TESK2: variants seen among roughly 807,000 people sequenced by gnomAD.
TESK2 encodes testis associated actin remodelling kinase 2, also known as dual specificity testis-specific protein kinase 2.
A neutral mutation model predicts 57.1 loss-of-function variants in TESK2; 39 were observed. The observed-to-expected ratio is 0.68, with a 90% CI of 0.53 to 0.89. The LOEUF is 0.89. Among genes scored for constraint, TESK2 ranks in the 40% least tolerant of loss-of-function variants. The pLI, the probability that TESK2 is intolerant of heterozygous loss-of-function variation, is 0.00. For synonymous variants in TESK2, 249 were observed against 267.9 expected, an observed-to-expected ratio of 0.93 and a Z score of 0.69; for missense variants, 646 against 732.1, an observed-to-expected ratio of 0.88 and a Z score of 1.36.
intron 3 of TESK2, among the ~76,000 whole-genome samples, chr1:45,399,140 ATTTTTTTTT>A (rs753087306): frequency 3.0e-5 from 3 of 99,722 alleles, no homozygotes; most frequent in African/African-American, 4.8e-5. Context: ...AAAAGTTGAA[ATTTTTTTTT>A]TTTTTTTTTT....
intron 3 of TESK2, chr1:45,415,245 G>A: frequency 6.9e-7 from 1 of 1,449,980 alleles, no homozygotes; most frequent in Non-Finnish European, 9.6e-7. Context: ...TTGGCAAGGT[G>A]AAAGAAGGCA....
chr1:45,410,938 T>C (rs1323512724), intron 3 of TESK2, among the ~76,000 whole-genome samples: 1 of 152,064 alleles, frequency 6.6e-6, no homozygotes. Flanking sequence ...CAAGCTAACT[T>C]TGGGAGGAAT....
intron 4 of TESK2, among the ~76,000 whole-genome samples, chr1:45,361,464 A>G (rs555875969): frequency 2.0e-5 from 3 of 152,348 alleles, no homozygotes; most frequent in South Asian, 2.1e-4. Context: ...AGATACTTCA[A>G]TACCTCTCAG....
At chr1:45,346,135 A>T in intron 9 of TESK2, 141 bp from the exon 10 acceptor site, 2 of 688,658 alleles carry the variant, frequency 2.9e-6, no homozygotes, top group Non-Finnish European at 2.6e-6. Flanking sequence ...AATGAAGGTG[A>T]TCCCTACAGT....
intron 1 of TESK2, among the ~76,000 whole-genome samples, chr1:45,481,621 T>C (rs1298190338): frequency 6.6e-6 from 1 of 152,098 alleles, no homozygotes; most frequent in African/African-American, 2.4e-5. Flanking sequence ...AAAGCTGTAT[T>C]ACATACAGAT....
chr1:45,369,118 C>T (rs1648072451), intron 4 of TESK2, among the ~76,000 whole-genome samples: 1 of 152,156 alleles, frequency 6.6e-6, no homozygotes, highest in Non-Finnish European at 1.5e-5. Flanking sequence ...GGATTTGTAT[C>T]CAAGCCTTGT....
intron 3 of TESK2, among the ~76,000 whole-genome samples, chr1:45,392,622 A>G (rs929447472): frequency 2.0e-5 from 3 of 151,426 alleles, no homozygotes; most frequent in Admixed American, 1.3e-4. Context: ...AATTGCTTGA[A>G]CCCAGGAGGT....
chr1:45,401,041 A>AG lies in TESK2; in HGVS notation c.345-15082_345-15081insC, dbSNP rs1386204371. On this transcript the variant is annotated intron_variant, in intron 3 of 10. Transcript: ENST00000372086. ...ACTCTGTCTTAAAAAAAAAAAAAAA[A>AG]AAGAAGTGAAGAAAGAGGTGTGACA... Among the ~76,000 whole-genome samples the AG allele has an allele frequency of 9.3e-5, 14 of 151,158 alleles. No homozygotes were observed. The East Asian group carries it at 1.8e-3, about 19-fold the overall frequency.
intron 3 of TESK2, among the ~76,000 whole-genome samples, chr1:45,403,337 C>T (rs545448013): frequency 2.6e-5 from 4 of 151,892 alleles, no homozygotes; most frequent in Admixed American, 6.6e-5. Flanking sequence ...AATCTAAACC[C>T]GTAAAAAGGC....
intron 2 of TESK2, among the ~76,000 whole-genome samples, chr1:45,438,030 T>C (rs1428254093): frequency 6.6e-6 from 1 of 152,374 alleles, no homozygotes; most frequent in Non-Finnish European, 1.5e-5. Flanking sequence ...CTCTGAAAAC[T>C]GGTATGTCAG....
At chr1:45,429,477 A>C (rs1650860190) in intron 2 of TESK2, among the ~76,000 whole-genome samples, 1 of 152,196 alleles carries the variant, frequency 6.6e-6, no homozygotes, top group Non-Finnish European at 1.5e-5. Context: ...GGAACATTTC[A>C]ATAACAAAAG....
chr1:45,444,228 C>G (rs1651561646), intron 2 of TESK2, among the ~76,000 whole-genome samples: 1 of 149,828 alleles, frequency 6.7e-6, no homozygotes, highest in African/African-American at 2.5e-5. Flanking sequence ...TTACAAAGTA[C>G]TCGATGAGTA....
At chr1:45,390,779 T>C (rs1237483163) in intron 3 of TESK2, among the ~76,000 whole-genome samples, 1 of 151,076 alleles carries the variant, frequency 6.6e-6, no homozygotes, top group African/African-American at 2.4e-5. Context: ...TTGTTATTAT[T>C]ATTATTATCA....
At chr1:45,359,038 A>T (rs921500259) in intron 4 of TESK2, among the ~76,000 whole-genome samples, 3 of 152,236 alleles carry the variant, frequency 2.0e-5, no homozygotes, top group Non-Finnish European at 2.9e-5. Context: ...TAAAATTTAT[A>T]TCTTAATACA....
chr1:45,434,519 G>A (rs1056533229), intron 2 of TESK2, among the ~76,000 whole-genome samples: 1 of 150,388 alleles, frequency 6.6e-6, no homozygotes, highest in Non-Finnish European at 1.5e-5. Flanking sequence ...CATTCTAAAT[G>A]AGATAAGATA....
intron 4 of TESK2, among the ~76,000 whole-genome samples, chr1:45,359,495 G>GGCTGCAGTGAAGTGAGATTGAGCC (rs1346370762): frequency 6.6e-6 from 1 of 151,716 alleles, no homozygotes; most frequent in Non-Finnish European, 1.5e-5. Context: ...GGGAGGCGGA[G>GGCTGCAGTGAAGTGAGATTGAGCC]GCTGCAGTGA....
intron 2 of TESK2, among the ~76,000 whole-genome samples, chr1:45,442,541 C>T (rs1345121115): frequency 6.6e-6 from 1 of 152,166 alleles, no homozygotes; most frequent in African/African-American, 2.4e-5. Context: ...TTTACTGTAT[C>T]CCAACAGAAC....
chr1:45,344,955 C>A lies in TESK2; in HGVS notation c.1601G>T (p.Cys534Phe), dbSNP rs777131009. The A allele has an allele frequency of 1.2e-6, 2 of 1,614,276 alleles. No individual in the cohort carries two copies. Among genetic ancestry groups the A allele is most frequent in the Non-Finnish European group, 1.7e-6 (2 of 1,180,050 alleles). Reference sequence around the variant, plus strand: ...CATCTCCTCAGAAGCACCCGCAGGGCATGGACTGGTCCCCTGGGGCCTGGA... The same window carrying A: ...CATCTCCTCAGAAGCACCCGCAGGGAATGGACTGGTCCCCTGGGGCCTGGA... Reference protein sequence around the residue: ...FGSRPQGTSPCPAGASEEMEV... With the variant: ...FGSRPQGTSPFPAGASEEMEV... The change falls in exon 11 of 11, where the codon TGC becomes TTC. Residue 534 changes from cysteine to phenylalanine, a missense_variant. By Grantham distance (205) the Cys-to-Phe change is radical. Coordinates refer to ENST00000372086, the MANE Select transcript of TESK2 (RefSeq NM_007170.3).
intron 9 of TESK2, 63 bp from the exon 10 acceptor site, chr1:45,346,057 G>T: frequency 1.6e-6 from 2 of 1,278,212 alleles, no homozygotes; most frequent in Non-Finnish European, 2.3e-6. Context: ...GATGGCATTT[G>T]AGTCTATTTC....
Sources: allele counts gnomAD v4.1 joint callset (sites outside exome capture counted in the v4.1 genomes callset), GRCh38; gene constraint gnomAD v4.1.1; transcripts MANE v1.5; gene names NCBI Gene and HGNC (gene_info 2026-07-23, HGNC 2026-07-21).